FSTL5: variants seen among roughly 807,000 people sequenced by gnomAD.
FSTL5 encodes the protein follistatin like 5, also known as follistatin-related protein 5.
FSTL5 carries 62 observed loss-of-function variants against 89.1 expected under a neutral mutation model. The observed-to-expected ratio is 0.70, with a 90% CI of 0.57 to 0.86. FSTL5 has a LOEUF of 0.86. Among genes scored for constraint, FSTL5 ranks in the 40% least tolerant of loss-of-function variants. FSTL5 has a pLI of 0.00. For missense variants in FSTL5, 1,057 were observed against 1,001.6 expected, an observed-to-expected ratio of 1.06 and a Z score of -0.75; for synonymous variants, 383 against 346.2, an observed-to-expected ratio of 1.11 and a Z score of -1.18.
At chr4:161,841,656 T>C (rs1731214922) in intron 4 of FSTL5, among the ~76,000 whole-genome samples, 1 of 152,176 alleles carries the variant, frequency 6.6e-6, no homozygotes, top group South Asian at 2.1e-4. Context: ...TAAAAATAAA[T>C]ATATAAAAAT....
chr4:161,829,885 G>A (rs67988099), intron 4 of FSTL5, among the ~76,000 whole-genome samples: 7,763 of 152,024 alleles, frequency 0.051, 249 homozygotes, highest in African/African-American at 0.081. Flanking sequence ...TCAATGACAA[G>A]GAACAAACAC....
chr4:161,907,183 C>A (rs945570546), intron 4 of FSTL5, among the ~76,000 whole-genome samples: 4 of 152,092 alleles, frequency 2.6e-5, no homozygotes, highest in Non-Finnish European at 5.9e-5. Flanking sequence ...TACAGACTGT[C>A]ATCACAGCTA....
intron 15 of FSTL5, among the ~76,000 whole-genome samples, chr4:161,435,795 A>G (rs937100795): frequency 6.6e-6 from 1 of 151,954 alleles, no homozygotes; most frequent in Non-Finnish European, 1.5e-5. Flanking sequence ...AGCAATCAAA[A>G]CCAGATGGTC....
At chr4:161,628,196 G>GCA (rs1476134078) in intron 7 of FSTL5, among the ~76,000 whole-genome samples, 1 of 152,058 alleles carries the variant, frequency 6.6e-6, no homozygotes, top group Non-Finnish European at 1.5e-5. Context: ...ACTGTGTCTG[G>GCA]CATGTGATAG....
chr4:161,687,319 C>T (rs1737780718), intron 6 of FSTL5, among the ~76,000 whole-genome samples: 2 of 152,140 alleles, frequency 1.3e-5, no homozygotes, highest in Non-Finnish European at 2.9e-5. Context: ...TCCATTGGTG[C>T]TCTTCTCATA....
chr4:161,396,961 C>T (rs1475077234), intron 15 of FSTL5, among the ~76,000 whole-genome samples: 1 of 152,066 alleles, frequency 6.6e-6, no homozygotes, highest in East Asian at 1.9e-4. Flanking sequence ...TGAATTAATT[C>T]AACTCTCTTT....
chr4:161,409,052 A>T (rs1034242128), intron 15 of FSTL5, among the ~76,000 whole-genome samples: 3 of 152,202 alleles, frequency 2.0e-5, no homozygotes, highest in Non-Finnish European at 2.9e-5. Context: ...AACCTAAGGA[A>T]TACAGAGAAT....
intron 3 of FSTL5, among the ~76,000 whole-genome samples, chr4:161,980,521 C>A (rs1015103991): frequency 7.9e-5 from 12 of 151,388 alleles, no homozygotes; most frequent in African/African-American, 2.9e-4. Flanking sequence ...TATTGTAATT[C>A]TCTCTCTACA....
chr4:161,973,032 G>C (rs1412285960), intron 3 of FSTL5, among the ~76,000 whole-genome samples: 1 of 152,002 alleles, frequency 6.6e-6, no homozygotes, highest in African/African-American at 2.4e-5. Context: ...TTTTACTATG[G>C]CCTAGAAAAC....
chr4:161,745,747 T>C (rs892100954), intron 6 of FSTL5, among the ~76,000 whole-genome samples: 2 of 151,984 alleles, frequency 1.3e-5, no homozygotes, highest in African/African-American at 4.8e-5. Context: ...TCCTAGCAAA[T>C]GTGTAATCAT....
At chr4:161,541,747 T>TA (rs1331450420) in intron 9 of FSTL5, among the ~76,000 whole-genome samples, 1 of 151,922 alleles carries the variant, frequency 6.6e-6, no homozygotes, top group African/African-American at 2.4e-5. Context: ...ATTAAAGTCA[T>TA]AAAATAAGAA....
chr4:161,743,798 T>C (rs188128208), intron 6 of FSTL5, among the ~76,000 whole-genome samples: 1 of 152,324 alleles, frequency 6.6e-6, no homozygotes, highest in East Asian at 1.9e-4. Context: ...TATAAAATTA[T>C]GTATTCACAG....
intron 10 of FSTL5, among the ~76,000 whole-genome samples, chr4:161,515,653 T>C (rs1219229775): frequency 2.0e-5 from 3 of 151,754 alleles, no homozygotes; most frequent in African/African-American, 7.2e-5. Context: ...TCTTTATACA[T>C]GGTTTCAAAT....
chr4:161,907,790 A>G (rs1277181854), intron 4 of FSTL5, among the ~76,000 whole-genome samples: 1 of 152,102 alleles, frequency 6.6e-6, no homozygotes, highest in African/African-American at 2.4e-5. Flanking sequence ...GCAGGAGGTT[A>G]GCGTGCATGA....
At chr4:161,787,586 T>C (rs1201829627) in intron 4 of FSTL5, among the ~76,000 whole-genome samples, 1 of 152,126 alleles carries the variant, frequency 6.6e-6, no homozygotes, top group Non-Finnish European at 1.5e-5. Context: ...AGTATATAAC[T>C]ATTGCAAATT....
At chr4:161,865,027 A>G (rs535512716) in intron 4 of FSTL5, among the ~76,000 whole-genome samples, 1 of 152,266 alleles carries the variant, frequency 6.6e-6, no homozygotes, top group South Asian at 2.1e-4. Context: ...AGATACGCAG[A>G]GTTACATAGA....
intron 15 of FSTL5, among the ~76,000 whole-genome samples, chr4:161,429,606 A>G (rs2126335973): frequency 6.6e-6 from 1 of 152,296 alleles, no homozygotes; most frequent in Non-Finnish European, 1.5e-5. Context: ...TAAGACCACA[A>G]GGCAGTAACT....
At chr4:161,965,532 G>C (rs1231000933) in intron 3 of FSTL5, among the ~76,000 whole-genome samples, 1 of 152,058 alleles carries the variant, frequency 6.6e-6, no homozygotes, top group Non-Finnish European at 1.5e-5. Context: ...TCCAGGAAGA[G>C]CTCATGGAAT....
intron 4 of FSTL5, among the ~76,000 whole-genome samples, chr4:161,909,965 G>A (rs930691897): frequency 6.6e-6 from 1 of 152,032 alleles, no homozygotes; most frequent in African/African-American, 2.4e-5. Flanking sequence ...AAGTGAATGG[G>A]AATAATTTTT....
Sources: allele counts gnomAD v4.1 joint callset (sites outside exome capture counted in the v4.1 genomes callset), GRCh38; gene constraint gnomAD v4.1.1; transcripts MANE v1.5; gene names NCBI Gene and HGNC (gene_info 2026-07-23, HGNC 2026-07-21).